Variants in PPP1R2B observed in about 807,000 individuals in gnomAD.
PPP1R2B encodes PPP1R2 family member B, also known as protein phosphatase inhibitor 2 family member B.
Under a neutral mutation model 17.6 loss-of-function variants are expected in PPP1R2B, and 13 were observed. That is an observed-to-expected ratio of 0.74 (90% CI 0.48 to 1.17). The LOEUF is 1.17. Ranked by LOEUF, PPP1R2B falls within the 50% of genes most tolerant of loss-of-function variation. PPP1R2B has a pLI of 0.00. For synonymous variants in PPP1R2B, 105 were observed against 95.4 expected (o/e 1.10, Z -0.59); for missense variants, 230 against 252.4 (o/e 0.91, Z 0.60).
rs1418776661 is a variant in PPP1R2B at position 156,850,611 on chromosome 5, AACAAG to A, written c.52_56del (p.Lys18LeufsTer30). Reference sequence around the variant, plus strand: ...CCGGCCCATCAAGGGGATCTTGAAGAACAAGACCTCTACGACTTCCTCTATGGTGG... The same window carrying A: ...CCGGCCCATCAAGGGGATCTTGAAGAACCTCTACGACTTCCTCTATGGTGG... On this transcript the variant is annotated frameshift_variant, in exon 1 of 1. Transcript: ENST00000522232. LOFTEE classifies it high-confidence loss of function. 1 of 1,601,138 alleles carries A rather than the reference AACAAG, an allele frequency of 6.2e-7. No individual in the cohort carries two copies. The highest frequency in any genetic ancestry group is 8.5e-7 in the Non-Finnish European group (1 of 1,173,306).
Position 156,850,463 on chromosome 5 carries a change from G to T in PPP1R2B, c.-100G>T, listed in dbSNP as rs1037408737. On this transcript the variant is annotated 5_prime_UTR_variant, in exon 1 of 1. Transcript: ENST00000522232. ...AGGTGCGGCCGCTTTAGCCCTGAGC[G>T]GGCTCTGCGGCTGCCTGCGAGTCTC... The T allele has an allele frequency of 2.8e-6, 4 of 1,422,718 alleles. No homozygotes were observed. The highest frequency in any genetic ancestry group is 3.8e-6 in the Non-Finnish European group (4 of 1,053,804). The allele number at this position is 1,422,718 out of a possible 1,614,324, so 88.1% of individuals were successfully genotyped here.
chr5:156,850,327 CG>C lies in PPP1R2B; in HGVS notation c.-233del, dbSNP rs1234058235. Among the ~76,000 whole-genome samples, 1 of 150,870 alleles carries C rather than the reference CG, an allele frequency of 6.6e-6. No individual in the cohort carries two copies. The highest frequency in any genetic ancestry group is 1.5e-5 in the Non-Finnish European group (1 of 67,738). On this transcript the variant is annotated 5_prime_UTR_variant, in exon 1 of 1. Coordinates refer to ENST00000522232, the MANE Select transcript of PPP1R2B (RefSeq NM_206858.3). ...TAGGCCGGCATCTCTCCGCGAGCCG[CG>C]GGTCAAGTGCCGGCGGCTAATGGTG... is the stretch of plus-strand genomic sequence containing the variant.
Position 156,851,210 on chromosome 5 carries a change from G to A in PPP1R2B, c.*30G>A, listed in dbSNP as rs1427160463. 2.0e-6 allele frequency: 3 copies of A among 1,510,060 alleles called. No individual in the cohort carries two copies. The highest frequency in any genetic ancestry group is 2.8e-6 in the Non-Finnish European group (3 of 1,087,030). The allele number at this position is 1,510,060 out of a possible 1,614,324, so 93.5% of individuals were successfully genotyped here. A position where few individuals can be genotyped will look rare whatever the true frequency, so the allele number is the denominator to read the frequency against. ...GATTTGTTCAACACTGCAATTGTTTGTTAGATATAAACCCTGTGACTATAA... is the reference window on the plus strand; with the variant it reads ...GATTTGTTCAACACTGCAATTGTTTATTAGATATAAACCCTGTGACTATAA... On this transcript the variant is annotated 3_prime_UTR_variant, in exon 1 of 1. Coordinates refer to ENST00000522232, the MANE Select transcript of PPP1R2B (RefSeq NM_206858.3).
chr5:156,850,484 GTC>G lies in PPP1R2B; in HGVS notation c.-75_-74del. On this transcript the variant is annotated 5_prime_UTR_variant, in exon 1 of 1. An upstream open reading frame in the 5' UTR loses its in-frame stop. Transcript: ENST00000522232. ...GAGCGGGCTCTGCGGCTGCCTGCGAGTCTCTGCTGTGCCGACCCTTCTCTTCG... is the reference window on the plus strand; with the variant it reads ...GAGCGGGCTCTGCGGCTGCCTGCGAGTCTGCTGTGCCGACCCTTCTCTTCG... 1 of 1,516,024 alleles carries G rather than the reference GTC, an allele frequency of 6.6e-7. No individual in the cohort carries two copies. The highest frequency in any genetic ancestry group is 8.9e-7 in the Non-Finnish European group (1 of 1,123,438). The allele number at this position is 1,516,024 out of a possible 1,614,324, so 93.9% of individuals were successfully genotyped here. A position where few individuals can be genotyped will look rare whatever the true frequency, so the allele number is the denominator to read the frequency against.
Position 156,852,344 on chromosome 5 carries a change from C to T in PPP1R2B, c.*1164C>T, listed in dbSNP as rs1326429517. 1 of 151,790 alleles carries T rather than the reference C, an allele frequency of 6.6e-6. No individual in the cohort carries two copies. Among genetic ancestry groups the T allele is most frequent in the Non-Finnish European group, 1.5e-5 (1 of 67,912 alleles). 9.4% of individuals were successfully genotyped at this position (151,790 alleles called of 1,614,324 possible). ...TCTTTGCATGAGAATTGTATGTAAC[C>T]AGTGATATGATTATTCCTGAATGTA... On this transcript the variant is annotated 3_prime_UTR_variant, in exon 1 of 1. Transcript: ENST00000522232.
rs1401651272 is a variant in PPP1R2B, at chr5:156,850,853, A to G, written c.291A>G (p.Pro97=). ...RDTETTEAMA[P]DILAKKLAAA... is the part of the protein sequence containing the mutation. Reference sequence around the variant, plus strand: ...CCGAGACCACTGAAGCCATGGCGCCAGACATCCTAGCCAAGAAATTAGCTG... The same window carrying G: ...CCGAGACCACTGAAGCCATGGCGCCGGACATCCTAGCCAAGAAATTAGCTG... Residue 97 remains proline (P), a synonymous_variant, in exon 1 of 1, where the codon CCA becomes CCG. Coordinates refer to ENST00000522232, the MANE Select transcript of PPP1R2B (RefSeq NM_206858.3). 6.4e-7 allele frequency: 1 copy of G among 1,574,006 alleles called. No homozygotes were observed. The highest frequency in any genetic ancestry group is 1.7e-5 in the Admixed American group (1 of 59,920).
In PPP1R2B at chr5:156,850,608, A is replaced by G; in HGVS notation, c.46A>G (p.Lys16Glu). 6.2e-7 allele frequency: 1 copy of G among 1,600,498 alleles called. No homozygotes were observed. The highest frequency in any genetic ancestry group is 8.5e-7 in the Non-Finnish European group (1 of 1,173,038). Residue 16 changes from lysine (K) to glutamate (E), a missense_variant, in exon 1 of 1, where the codon AAG (lysine) becomes GAG (glutamate). Lys to Glu is a moderately conservative substitution (Grantham distance 56). Transcript: ENST00000522232. ...ASHRPIKGIL[K>E]NKTSTTSSMV... ...CCACCGGCCCATCAAGGGGATCTTG[A>G]AGAACAAGACCTCTACGACTTCCTC...
Position 156,851,062 on chromosome 5 carries a change from A to T in PPP1R2B, c.500A>T (p.Asp167Val), listed in dbSNP as rs1431703080. Residue 167 changes from aspartate (D) to valine (V), a missense_variant, in exon 1 of 1, where the codon GAT becomes GTT. Asp to Val is a radical substitution (Grantham distance 152). Coordinates refer to ENST00000522232, the MANE Select transcript of PPP1R2B (RefSeq NM_206858.3). ...ARQLISKDLH[D>V]DDEDEEMLET... ...CAATTAATTTCAAAAGACCTACATG[A>T]TGATGATGAAGATGAAGAAATGTTA... The T allele has an allele frequency of 1.0e-5, 16 of 1,605,722 alleles. No individual in the cohort carries two copies. The highest frequency in any genetic ancestry group is 1.4e-5 in the Non-Finnish European group (16 of 1,172,448).
rs547975886 is a variant in PPP1R2B at position 156,851,992 on chromosome 5, C to G, written c.*812C>G. The G allele has an allele frequency of 1.3e-5, 2 of 152,456 alleles. No individual in the cohort carries two copies. Among genetic ancestry groups the G allele is most frequent in the Non-Finnish European group, 2.9e-5 (2 of 68,004 alleles). The allele number at this position is 152,456 out of a possible 1,614,324, so 9.4% of individuals were successfully genotyped here. A position where few individuals can be genotyped will look rare whatever the true frequency, so the allele number is the denominator to read the frequency against. ...CTGTCTTAACCTCCTGCTTTTATTT[C>G]CTACTCCTTTCCACACATACACACA... On this transcript the variant is annotated 3_prime_UTR_variant, in exon 1 of 1. Transcript: ENST00000522232.
rs1758471158 is a variant in PPP1R2B, at chr5:156,850,877, T to G, written c.315T>G (p.Ala105=). 4.4e-6 allele frequency: 7 copies of G among 1,600,010 alleles called. No individual in the cohort carries two copies. The highest frequency in any genetic ancestry group is 6.0e-6 in the Non-Finnish European group (7 of 1,169,494). ...MAPDILAKKL[A]AAEGLEPKYR... ...CAGACATCCTAGCCAAGAAATTAGC[T>G]GCTGCTGAAGGCTTGGAGCCAAAGT... Residue 105 remains alanine, a synonymous_variant, in exon 1 of 1, where the codon GCT becomes GCG. Transcript: ENST00000522232.
chr5:156,850,673 C>T lies in PPP1R2B; in HGVS notation c.111C>T (p.Asp37=). 6.3e-7 allele frequency: 1 copy of T among 1,586,016 alleles called. No homozygotes were observed. The highest frequency in any genetic ancestry group is 8.7e-7 in the Non-Finnish European group (1 of 1,155,044). Residue 37 remains aspartate (D), a synonymous_variant, in exon 1 of 1, where the codon GAC becomes GAT. Transcript: ENST00000522232. The stretch of plus-strand genomic sequence containing the variant: ...CCGAACAGCCCCGCAGGAGTGTCGA[C>T]GAGGAGCTGAGCAAAAAATCCCAGA... The part of the protein sequence containing the change: ...ASAEQPRRSV[D]EELSKKSQKW...
At position 156,850,983 on chromosome 5, in the gene PPP1R2B, G is replaced by A; in HGVS notation, c.421G>A (p.Glu141Lys). The A allele has an allele frequency of 6.2e-7, 1 of 1,613,652 alleles. No homozygotes were observed. Among genetic ancestry groups the A allele is most frequent in the Middle Eastern group, 1.6e-4 (1 of 6,062 alleles). The change falls in exon 1 of 1, where the codon GAA (glutamate) becomes AAA (lysine). Residue 141 changes from glutamate to lysine, a missense_variant. Glu to Lys is a moderately conservative substitution (Grantham distance 56, BLOSUM62 1). Transcript: ENST00000522232. ...PEEREKKRQF[E>K]MRRKLHYNEG... ...AGAACGAGAAAAAAAGCGACAATTT[G>A]AAATGAGAAGGAAGCTTCACTACAA... is the stretch of plus-strand genomic sequence containing the variant.
In PPP1R2B at chr5:156,850,512, C is replaced by G; in HGVS notation, c.-51C>G. 6.4e-7 allele frequency: 1 copy of G among 1,560,450 alleles called. No homozygotes were observed. Among genetic ancestry groups the G allele is most frequent in the Non-Finnish European group, 8.7e-7 (1 of 1,152,726 alleles). On this transcript the variant is annotated 5_prime_UTR_variant, in exon 1 of 1. Transcript: ENST00000522232. ...TCTGCTGTGCCGACCCTTCTCTTCG[C>G]GGACCCCACGCCAAGCAGCGACCCT...
Position 156,851,858 on chromosome 5 carries a change from T to A in PPP1R2B, c.*678T>A, listed in dbSNP as rs919984554. 6.6e-6 allele frequency: 1 copy of A among 152,508 alleles called. No individual in the cohort carries two copies. Among genetic ancestry groups the A allele is most frequent in the Non-Finnish European group, 1.5e-5 (1 of 68,076 alleles). 9.4% of individuals were successfully genotyped at this position (152,508 alleles called of 1,614,324 possible). A position where few individuals can be genotyped will look rare whatever the true frequency, so the allele number is the denominator to read the frequency against. On this transcript the variant is annotated 3_prime_UTR_variant, in exon 1 of 1. Coordinates refer to ENST00000522232, the MANE Select transcript of PPP1R2B (RefSeq NM_206858.3). ...GTCTGCTCTGTTTTTTGGCAGGGGGTTTGTTTGTTTTTGTTTTTTAATGTT... is the reference window on the plus strand; with the variant it reads ...GTCTGCTCTGTTTTTTGGCAGGGGGATTGTTTGTTTTTGTTTTTTAATGTT...
In PPP1R2B at chr5:156,850,823, G is replaced by C. The variant is rs764149446; in HGVS notation, c.261G>C (p.Arg87Ser). 6.6e-7 allele frequency: 1 copy of C among 1,517,120 alleles called. No homozygotes were observed. The highest frequency in any genetic ancestry group is 1.1e-5 in the South Asian group (1 of 88,896). The allele number at this position is 1,517,120 out of a possible 1,614,324, so 94.0% of individuals were successfully genotyped here. A position where few individuals can be genotyped will look rare whatever the true frequency, so the allele number is the denominator to read the frequency against. ...TGGGTGATGATGAAGATGCGTGTAG[G>C]GACACCGAGACCACTGAAGCCATGG... ...SMMGDDEDAC[R>S]DTETTEAMAP... The change falls in exon 1 of 1, where the codon AGG becomes AGC. Residue 87 changes from arginine to serine, a missense_variant. Physicochemically the swap from Arg to Ser is moderately radical, Grantham distance 110. Coordinates refer to ENST00000522232, the MANE Select transcript of PPP1R2B (RefSeq NM_206858.3).
Position 156,851,107 on chromosome 5 carries a change from G to T in PPP1R2B, c.545G>T (p.Ser182Ile), listed in dbSNP as rs1311391572. 6 of 1,592,406 alleles carry T rather than the reference G, an allele frequency of 3.8e-6. No homozygotes were observed. The Admixed American group carries it at 1.0e-4, about 27-fold the overall frequency. The change falls in exon 1 of 1, where the codon AGC becomes ATC. Residue 182 changes from serine (S) to isoleucine (I), a missense_variant. Ser to Ile is a moderately radical substitution (Grantham distance 142). Transcript: ENST00000522232. ...EEMLETADGE[S>I]MNTEESNQGS... Reference sequence around the variant, plus strand: ...ATGTTAGAGACTGCAGATGGAGAAAGCATGAATACGGAAGAATCAAATCAA... The same window carrying T: ...ATGTTAGAGACTGCAGATGGAGAAATCATGAATACGGAAGAATCAAATCAA...
At position 156,850,747 on chromosome 5, in the gene PPP1R2B, G is replaced by T. The variant is rs767736462; in HGVS notation, c.185G>T (p.Gly62Val). Residue 62 changes from glycine to valine, a missense_variant, in exon 1 of 1, where the codon GGC becomes GTC. Transcript: ENST00000522232. ...GCGACCTATCATCCAGCAGACAAAGGCTATGGTTTAATGAAAATAGATGAA... is the reference window on the plus strand; with the variant it reads ...GCGACCTATCATCCAGCAGACAAAGTCTATGGTTTAATGAAAATAGATGAA... ...ILATYHPADK[G>V]YGLMKIDEPS... 1.9e-5 allele frequency: 29 copies of T among 1,527,926 alleles called. No homozygotes were observed. The highest frequency in any genetic ancestry group is 2.6e-5 in the Non-Finnish European group (29 of 1,101,788). The allele number at this position is 1,527,926 out of a possible 1,614,324, so 94.6% of individuals were successfully genotyped here. A position where few individuals can be genotyped will look rare whatever the true frequency, so the allele number is the denominator to read the frequency against.
chr5:156,850,830 G>A lies in PPP1R2B; in HGVS notation c.268G>A (p.Glu90Lys). Residue 90 changes from glutamate (E) to lysine (K), a missense_variant, in exon 1 of 1, where the codon GAG (glutamate) becomes AAG (lysine). Coordinates refer to ENST00000522232, the MANE Select transcript of PPP1R2B (RefSeq NM_206858.3). Reference sequence around the variant, plus strand: ...TGATGAAGATGCGTGTAGGGACACCGAGACCACTGAAGCCATGGCGCCAGA... The same window carrying A: ...TGATGAAGATGCGTGTAGGGACACCAAGACCACTGAAGCCATGGCGCCAGA... ...GDDEDACRDT[E>K]TTEAMAPDIL... 5 of 1,529,022 alleles carry A rather than the reference G, an allele frequency of 3.3e-6. No individual in the cohort carries two copies. The highest frequency in any genetic ancestry group is 1.7e-4 in the Middle Eastern group (1 of 5,910). The allele number at this position is 1,529,022 out of a possible 1,614,324, so 94.7% of individuals were successfully genotyped here. A position where few individuals can be genotyped will look rare whatever the true frequency, so the allele number is the denominator to read the frequency against.
At position 156,850,448 on chromosome 5, in the gene PPP1R2B, G is replaced by A; in HGVS notation, c.-115G>A. 1.5e-6 allele frequency: 2 copies of A among 1,314,126 alleles called. No homozygotes were observed. The highest frequency in any genetic ancestry group is 1.5e-5 in the African/African-American group (1 of 66,824). The allele number at this position is 1,314,126 out of a possible 1,614,324, so 81.4% of individuals were successfully genotyped here. A position where few individuals can be genotyped will look rare whatever the true frequency, so the allele number is the denominator to read the frequency against. On this transcript the variant is annotated 5_prime_UTR_variant, in exon 1 of 1. Coordinates refer to ENST00000522232, the MANE Select transcript of PPP1R2B (RefSeq NM_206858.3). ...CGTTTCCGAGGCAGCAGGTGCGGCC[G>A]CTTTAGCCCTGAGCGGGCTCTGCGG...
Sources: gnomAD v4.1 joint callset for allele counts (sites outside exome capture counted in the v4.1 genomes callset) on GRCh38, gnomAD v4.1.1 for gene constraint, MANE v1.5 for transcripts, NCBI Gene and HGNC (gene_info 2026-07-23, HGNC 2026-07-21) for gene names.